Variants in NCEH1 observed in about 807,000 individuals in gnomAD.
NCEH1 encodes neutral cholesterol ester hydrolase 1, also known as 2-acetyl MAGE hydrolase.
NCEH1 carries 9 observed loss-of-function variants against 25.4 expected under a neutral mutation model. The ratio of observed to expected loss-of-function variants is 0.35; its 90% CI spans 0.21 to 0.62. The LOEUF is 0.62. NCEH1 is among the 20% of genes least tolerant of loss of function. The pLI is 0.72. For synonymous variants in NCEH1, 200 were observed against 199.8 expected (o/e 1.00, Z -0.01); for missense variants, 412 against 501.1 (o/e 0.82, Z 1.70).
chr3:172,693,553 A>G (rs1396754497), intron 1 of NCEH1, among the ~76,000 whole-genome samples: 1 of 152,184 alleles, frequency 6.6e-6, no homozygotes, highest in Non-Finnish European at 1.5e-5. Context: ...CCAACTCTTT[A>G]AAGCACTTAA....
chr3:172,689,518 A>G (rs1258250803), intron 1 of NCEH1, among the ~76,000 whole-genome samples: 2 of 150,834 alleles, frequency 1.3e-5, no homozygotes, highest in Non-Finnish European at 3.0e-5. Flanking sequence ...AAGTGCTGGG[A>G]TTACAGGCAT....
intron 1 of NCEH1, among the ~76,000 whole-genome samples, chr3:172,690,934 G>C (rs1712999391): frequency 2.0e-5 from 3 of 146,882 alleles, no homozygotes; most frequent in Admixed American, 2.0e-4. Flanking sequence ...GTTCTAATTT[G>C]CTAAAGAAAT....
intron 1 of NCEH1, among the ~76,000 whole-genome samples, chr3:172,699,813 C>A (rs1051727804): frequency 1.3e-5 from 2 of 152,116 alleles, no homozygotes; most frequent in Admixed American, 6.6e-5. Flanking sequence ...TTGCAGTGAA[C>A]CACGATCATA....
chr3:172,632,959 A>G lies in NCEH1; in HGVS notation c.*516T>C, dbSNP rs566075505. ...AGAAAACCTTTGCCAAAATTCCCAT[A>G]GGAAACAAAACCATCCATTCACAAA... On this transcript the variant is annotated 3_prime_UTR_variant, in exon 5 of 5. Transcript: ENST00000475381. The G allele has an allele frequency of 6.5e-6, 1 of 152,906 alleles. No homozygotes were observed. Among genetic ancestry groups the G allele is most frequent in the South Asian group, 2.1e-4 (1 of 4,832 alleles). 9.5% of individuals were successfully genotyped at this position (152,906 alleles called of 1,614,324 possible). A position where few individuals can be genotyped will look rare whatever the true frequency, so the allele number is the denominator to read the frequency against.
chr3:172,710,273 T>C (rs551111803), intron 1 of NCEH1, among the ~76,000 whole-genome samples: 2 of 152,364 alleles, frequency 1.3e-5, no homozygotes, highest in East Asian at 3.9e-4. Context: ...AGCTGAGATC[T>C]GCCTCGGGTG....
Position 172,630,909 on chromosome 3 carries a change from T to C in NCEH1, c.*2566A>G, listed in dbSNP as rs965933671. ...TAAAACATTAATTTATACTTCACTA[T>C]ACAGCACTTCAAGGTTTTTCTTTAT... On this transcript the variant is annotated 3_prime_UTR_variant, in exon 5 of 5. Coordinates refer to ENST00000475381, the MANE Select transcript of NCEH1 (RefSeq NM_020792.6). 1 of 152,082 alleles carries C rather than the reference T, an allele frequency of 6.6e-6. No homozygotes were observed. 9.4% of individuals were successfully genotyped at this position (152,082 alleles called of 1,614,324 possible).
In NCEH1 at chr3:172,660,077, C is replaced by T. The variant is rs868386230; in HGVS notation, c.139-11963G>A. Among the ~76,000 whole-genome samples, 4 of 151,886 alleles carry T rather than the reference C, an allele frequency of 2.6e-5. No homozygotes were observed. In the East Asian group the frequency reaches 7.8e-4, roughly 29 times the overall value. On this transcript the variant is annotated intron_variant, in intron 1 of 4. Coordinates refer to ENST00000475381, the MANE Select transcript of NCEH1 (RefSeq NM_020792.6). The stretch of plus-strand genomic sequence containing the variant: ...ATACATGTGCCATGTTGGTGTGCTG[C>T]ACCCATTAACTCGACATTTACATTA...
chr3:172,661,988 G>A (rs1717993635), intron 1 of NCEH1, among the ~76,000 whole-genome samples: 1 of 152,164 alleles, frequency 6.6e-6, no homozygotes, highest in Non-Finnish European at 1.5e-5. Flanking sequence ...GCCCTGGCCA[G>A]AACTTCCAAC....
At chr3:172,686,152 C>T (rs1712683448) in intron 1 of NCEH1, among the ~76,000 whole-genome samples, 1 of 152,346 alleles carries the variant, frequency 6.6e-6, no homozygotes, top group Non-Finnish European at 1.5e-5. Flanking sequence ...CTCTTCACAT[C>T]CCTTGAGACT....
chr3:172,683,574 G>T (rs1289725846), intron 1 of NCEH1, among the ~76,000 whole-genome samples: 1 of 152,126 alleles, frequency 6.6e-6, no homozygotes, highest in African/African-American at 2.4e-5. Context: ...AGCTACTCAG[G>T]AGGCTGAGAT....
chr3:172,671,667 GCA>G (rs1711636132), intron 1 of NCEH1, among the ~76,000 whole-genome samples: 1 of 150,366 alleles, frequency 6.7e-6, no homozygotes, highest in Non-Finnish European at 1.5e-5. Context: ...ATGCACACAG[GCA>G]CACACATACT....
rs779842175 is a variant in NCEH1 at position 172,711,020 on chromosome 3, G to A, written c.-36C>T. Reference sequence around the variant, plus strand: ...CTCGGCTCGCCAGCGGGCTGGCAAAGAGGAAAGGGCGATACCACCCGGAGA... The same window carrying A: ...CTCGGCTCGCCAGCGGGCTGGCAAAAAGGAAAGGGCGATACCACCCGGAGA... On this transcript the variant is annotated 5_prime_UTR_variant, in exon 1 of 5. Transcript: ENST00000475381. 1.2e-6 allele frequency: 2 copies of A among 1,613,796 alleles called. No homozygotes were observed. The highest frequency in any genetic ancestry group is 1.7e-6 in the Non-Finnish European group (2 of 1,179,980).
chr3:172,665,000 T>A (rs895986178), intron 1 of NCEH1, among the ~76,000 whole-genome samples: 3 of 152,226 alleles, frequency 2.0e-5, no homozygotes, highest in Admixed American at 1.3e-4. Context: ...TTTGTTCCGT[T>A]GCTGGCGAGG....
Position 172,635,955 on chromosome 3 carries a change from G to A in NCEH1, c.570C>T (p.Asp190=), listed in dbSNP as rs1349492598. The change falls in exon 4 of 5, where the codon GAC becomes GAT. Residue 190 remains aspartate, a synonymous_variant. Coordinates refer to ENST00000475381, the MANE Select transcript of NCEH1 (RefSeq NM_020792.6). ...CAGCAGCCAGATTTCCACCAGCACT[G>A]TCACCAGAAATGCAAATTCTGCCTG... ...VDPGRICISG[D]SAGGNLAAAL... 4 of 1,614,018 alleles carry A rather than the reference G, an allele frequency of 2.5e-6. No individual in the cohort carries two copies. The highest frequency in any genetic ancestry group is 3.3e-5 in the Admixed American group (2 of 60,000).
intron 1 of NCEH1, among the ~76,000 whole-genome samples, chr3:172,698,453 T>C (rs1465667011): frequency 6.6e-6 from 1 of 152,224 alleles, no homozygotes; most frequent in Non-Finnish European, 1.5e-5. Context: ...AACAGTGAGA[T>C]ACACATCTTC....
At chr3:172,705,788 G>C (rs550431488) in intron 1 of NCEH1, among the ~76,000 whole-genome samples, 1 of 152,090 alleles carries the variant, frequency 6.6e-6, no homozygotes, top group African/African-American at 2.4e-5. Context: ...CCTGAGGTCA[G>C]GAGTTCAAAA....
Position 172,645,698 on chromosome 3 carries a change from A to G in NCEH1, c.368-6T>C. 2 of 1,572,554 alleles carry G rather than the reference A, an allele frequency of 1.3e-6. No homozygotes were observed. Among genetic ancestry groups the G allele is most frequent in the Non-Finnish European group, 1.7e-6 (2 of 1,152,294 alleles). On this transcript the variant is annotated splice_polypyrimidine_tract_variant and splice_region_variant and intron_variant, in intron 2 of 4. Transcript: ENST00000475381. ...CTCATCATAATACCTGATTTCTAAA[A>G]GACACAAAGGGAACAATCATTACAA...
At chr3:172,685,654 C>CT (rs1306590986) in intron 1 of NCEH1, among the ~76,000 whole-genome samples, 2 of 151,686 alleles carry the variant, frequency 1.3e-5, no homozygotes, top group Non-Finnish European at 2.9e-5. Context: ...GCAACCCTAA[C>CT]TTTTTTTTTC....
At chr3:172,668,030 A>C (rs991496739) in intron 1 of NCEH1, among the ~76,000 whole-genome samples, 4 of 152,334 alleles carry the variant, frequency 2.6e-5, no homozygotes, top group Middle Eastern at 6.8e-3. Flanking sequence ...AAGATGACTT[A>C]GGCCAATTTT....
Sources: gnomAD v4.1 joint callset for allele counts (sites outside exome capture counted in the v4.1 genomes callset) on GRCh38, gnomAD v4.1.1 for gene constraint, MANE v1.5 for transcripts, NCBI Gene and HGNC (gene_info 2026-07-23, HGNC 2026-07-21) for gene names.